The following APP variants were observed in gnomAD, a reference collection of about 807,000 sequenced individuals.
APP encodes amyloid-beta precursor protein.
In APP, 31 loss-of-function variants were observed where a neutral mutation model predicts 101.4. The observed-to-expected ratio is 0.31, with a 90% CI of 0.23 to 0.41. APP has a LOEUF of 0.41. Ranked by LOEUF, APP falls within the 10% of genes least tolerant of loss-of-function variation. The probability of loss-of-function intolerance (pLI) is 1.00; values close to 1 mark genes in which losing one functional copy is unlikely to be tolerated. For missense variants in APP, 839 were observed against 1,003.7 expected (o/e 0.84, Z 2.22); for synonymous variants, 366 against 364.4 (o/e 1.00, Z -0.05).
At chr21:25,976,644 C>T (rs573475889) in intron 9 of APP, among the ~76,000 whole-genome samples, 1 of 152,298 alleles carries the variant, frequency 6.6e-6, no homozygotes, top group South Asian at 2.1e-4. Flanking sequence ...ACGCTAAGTC[C>T]TTCCAAAAAC....
At chr21:25,952,743 A>AAAACAAACAAACAAAC (rs35999452) in intron 13 of APP, among the ~76,000 whole-genome samples, 77 of 151,674 alleles carry the variant, frequency 5.1e-4, no homozygotes, top group African/African-American at 1.7e-3. Flanking sequence ...ATAGCTGTAA[A>AAAACAAACAAACAAAC]AAACAAACAA....
intron 1 of APP, among the ~76,000 whole-genome samples, chr21:26,139,144 GAA>G (rs932369729): frequency 6.6e-6 from 1 of 151,964 alleles, no homozygotes; most frequent in Non-Finnish European, 1.5e-5. Flanking sequence ...TAAGGGATGA[GAA>G]ATAAGTAAAT....
chr21:26,162,979 G>A (rs1332812607), intron 1 of APP, among the ~76,000 whole-genome samples: 2 of 149,034 alleles, frequency 1.3e-5, no homozygotes, highest in Admixed American at 6.7e-5. Context: ...TGTTATCCCA[G>A]CACTTTGGGA....
chr21:25,884,818 C>G (rs1471744499), intron 17 of APP, among the ~76,000 whole-genome samples: 1 of 152,232 alleles, frequency 6.6e-6, no homozygotes, highest in Non-Finnish European at 1.5e-5. Context: ...GGAGGCACAT[C>G]TACCATCACA....
chr21:26,108,660 G>C (rs1204304955), intron 2 of APP, among the ~76,000 whole-genome samples: 2 of 152,170 alleles, frequency 1.3e-5, no homozygotes, highest in African/African-American at 4.8e-5. Context: ...GGCCGAAGAG[G>C]GTGGATCGCA....
chr21:25,998,126 T>C (rs1299781905), intron 7 of APP, among the ~76,000 whole-genome samples: 1 of 151,796 alleles, frequency 6.6e-6, no homozygotes, highest in Non-Finnish European at 1.5e-5. Context: ...ACCAAATAAA[T>C]CTCTTATTAC....
At chr21:25,887,544 C>T (rs1343807028) in intron 17 of APP, among the ~76,000 whole-genome samples, 1 of 123,086 alleles carries the variant, frequency 8.1e-6, no homozygotes, top group Non-Finnish European at 1.7e-5. Flanking sequence ...AAAAAAACAA[C>T]AACTAGCAAG....
intron 3 of APP, among the ~76,000 whole-genome samples, chr21:26,080,598 C>G (rs990761526): frequency 4.6e-5 from 7 of 151,656 alleles, no homozygotes; most frequent in Non-Finnish European, 1.0e-4. Context: ...CAAATTCCGT[C>G]TCTACTAAAA....
At chr21:25,989,390 G>C (rs115348902) in intron 8 of APP, among the ~76,000 whole-genome samples, 1 of 152,244 alleles carries the variant, frequency 6.6e-6, no homozygotes, top group African/African-American at 2.4e-5. Flanking sequence ...CAAAATTAAA[G>C]GCACTGTGAA....
chr21:25,991,428 A>AG lies in APP; in HGVS notation c.1090+5931dup, dbSNP rs1462789738. ...GTCTCGCTCTTGTCCCCCAGGCTGG[A>AG]GTGCGATGGTGTGATCTCAGCTCAC... On this transcript the variant is annotated intron_variant, in intron 8 of 17. Transcript: ENST00000346798. Among the ~76,000 whole-genome samples the AG allele has an allele frequency of 8.5e-5, 13 of 152,174 alleles. No homozygotes were observed. The East Asian group carries it at 1.9e-3, about 23-fold the overall frequency.
intron 11 of APP, among the ~76,000 whole-genome samples, chr21:25,964,270 C>T (rs2041701048): frequency 6.6e-6 from 1 of 152,170 alleles, no homozygotes; most frequent in Admixed American, 6.5e-5. Flanking sequence ...AGGGATGTGT[C>T]ACCAAAGCCT....
At chr21:25,916,109 A>G (rs1270414125) in intron 13 of APP, among the ~76,000 whole-genome samples, 3 of 152,114 alleles carry the variant, frequency 2.0e-5, no homozygotes, top group East Asian at 3.9e-4. Flanking sequence ...GGTTCAAGCG[A>G]TTCTCCTGCC....
At chr21:25,954,877 A>G (rs1342358109) in intron 12 of APP, among the ~76,000 whole-genome samples, 188 bp from the exon 13 acceptor site, 1 of 145,214 alleles carries the variant, frequency 6.9e-6, no homozygotes, top group Non-Finnish European at 1.5e-5. Flanking sequence ...ACTGTTAAAA[A>G]GGTTGAACTG....
chr21:26,150,361 A>C (rs1004815506), intron 1 of APP, among the ~76,000 whole-genome samples: 3 of 152,162 alleles, frequency 2.0e-5, no homozygotes, highest in Non-Finnish European at 4.4e-5. Context: ...GAGGGGAAGG[A>C]GGATACCTTC....
intron 3 of APP, among the ~76,000 whole-genome samples, chr21:26,079,159 C>T (rs533843281): frequency 1.3e-5 from 2 of 151,862 alleles, no homozygotes; most frequent in Admixed American, 1.3e-4. Context: ...TGTTTCCTTT[C>T]TCTGCTTGGG....
intron 5 of APP, among the ~76,000 whole-genome samples, chr21:26,041,286 G>A (rs1427599908): frequency 1.3e-5 from 2 of 152,156 alleles, no homozygotes; most frequent in Non-Finnish European, 2.9e-5. Flanking sequence ...TGTCACAATG[G>A]AGAGTCCTAT....
At chr21:25,950,381 CTTTT>C (rs57124711) in intron 13 of APP, among the ~76,000 whole-genome samples, 1 of 133,132 alleles carries the variant, frequency 7.5e-6, no homozygotes. Flanking sequence ...TTTTTTTTTT[CTTTT>C]TTTTTTTTTT....
intron 6 of APP, among the ~76,000 whole-genome samples, chr21:26,004,087 T>C (rs1416816296): frequency 2.0e-5 from 3 of 152,142 alleles, no homozygotes; most frequent in African/African-American, 7.2e-5. Flanking sequence ...GCACCAGCGA[T>C]GTATGATGCT....
At chr21:26,098,552 T>C (rs959501233) in intron 2 of APP, among the ~76,000 whole-genome samples, 2 of 152,210 alleles carry the variant, frequency 1.3e-5, no homozygotes, top group African/African-American at 4.8e-5. Flanking sequence ...GTCCCTTTTG[T>C]AAACAGGCCA....
Sources: allele counts gnomAD v4.1 joint callset (sites outside exome capture counted in the v4.1 genomes callset), GRCh38; gene constraint gnomAD v4.1.1; transcripts MANE v1.5; gene names NCBI Gene and HGNC (gene_info 2026-07-23, HGNC 2026-07-21).